Variants in TLE1 observed in about 807,000 individuals in gnomAD.
The protein encoded by TLE1 is transducin-like enhancer protein 1.
Under a neutral mutation model 89.8 loss-of-function variants are expected in TLE1, and 21 were observed. That is an observed-to-expected ratio of 0.23 (90% confidence interval 0.17 to 0.34). The LOEUF (loss-of-function observed/expected upper bound fraction) is 0.34, where lower values mean the gene tolerates loss of function less well. Ranked by LOEUF, TLE1 falls within the 10% of genes least tolerant of loss-of-function variation. The pLI, the probability that TLE1 is intolerant of heterozygous loss-of-function variation, is 1.00. For synonymous variants in TLE1, 447 were observed against 407.6 expected (o/e 1.10, Z -1.16); for missense variants, 795 against 1,031.2 (o/e 0.77, Z 3.14).
chr9:81,669,058 C>T (rs891096216), intron 4 of TLE1, among the ~76,000 whole-genome samples: 1 of 152,222 alleles, frequency 6.6e-6, no homozygotes, highest in Non-Finnish European at 1.5e-5. Context: ...CACTGGTCTG[C>T]ATTTGTGTGG....
chr9:81,595,590 G>C (rs150980614), intron 14 of TLE1, among the ~76,000 whole-genome samples: 10,424 of 152,144 alleles, frequency 0.069, 419 homozygotes, highest in Middle Eastern at 0.18. Context: ...AGGCCAAGGC[G>C]GGCGGATCAC....
chr9:81,644,382 C>T (rs1205304345), intron 6 of TLE1, among the ~76,000 whole-genome samples: 1 of 151,974 alleles, frequency 6.6e-6, no homozygotes, highest in Admixed American at 6.6e-5. Flanking sequence ...TGTTAATTGT[C>T]AATAAAAAGG....
intron 6 of TLE1, among the ~76,000 whole-genome samples, chr9:81,645,378 A>G (rs944994936): frequency 6.6e-6 from 1 of 151,026 alleles, no homozygotes; most frequent in African/African-American, 2.4e-5. Context: ...AAAAAAAAAA[A>G]ATAATAGTAA....
intron 18 of TLE1, 57 bp downstream of exon 18, chr9:81,585,448 G>T: frequency 3.8e-6 from 6 of 1,575,724 alleles, no homozygotes; most frequent in Non-Finnish European, 5.2e-6. Flanking sequence ...ATTTTTTTAA[G>T]AAGCATTTTC....
chr9:81,669,915 A>C (rs1321732887), intron 4 of TLE1, among the ~76,000 whole-genome samples: 1 of 152,196 alleles, frequency 6.6e-6, no homozygotes, highest in Non-Finnish European at 1.5e-5. Flanking sequence ...CCCCCACAGT[A>C]TATCAATGTC....
intron 16 of TLE1, among the ~76,000 whole-genome samples, chr9:81,589,874 G>A (rs1354797785): frequency 6.6e-6 from 1 of 152,166 alleles, no homozygotes; most frequent in East Asian, 1.9e-4. Flanking sequence ...GAAGAGGAAA[G>A]TAACTGCCGC....
intron 16 of TLE1, among the ~76,000 whole-genome samples, chr9:81,590,570 A>G (rs1045025424): frequency 1.3e-5 from 2 of 152,226 alleles, no homozygotes; most frequent in Non-Finnish European, 2.9e-5. Context: ...ATGTGGGCTG[A>G]AGAATTGGCA....
At chr9:81,589,893 C>T (rs1481392684) in intron 16 of TLE1, among the ~76,000 whole-genome samples, 4 of 152,078 alleles carry the variant, frequency 2.6e-5, no homozygotes, top group African/African-American at 7.2e-5. Flanking sequence ...GCACTGTCAC[C>T]CACACGCAGG....
chr9:81,587,945 T>TGA, intron 16 of TLE1, 117 bp from the exon 17 acceptor site: 3 of 1,192,980 alleles, frequency 2.5e-6, no homozygotes, highest in Admixed American at 2.5e-5. Flanking sequence ...TGTGTGTGTG[T>TGA]GATCCCGCCA....
At chr9:81,601,852 C>T (rs1830966614) in intron 14 of TLE1, among the ~76,000 whole-genome samples, 1 of 152,198 alleles carries the variant, frequency 6.6e-6, no homozygotes, top group African/African-American at 2.4e-5. Context: ...CAGGATCTTA[C>T]ACAATCCTGG....
chr9:81,680,965 T>C (rs547034082), intron 4 of TLE1, among the ~76,000 whole-genome samples: 6 of 151,654 alleles, frequency 4.0e-5, no homozygotes, highest in African/African-American at 9.7e-5. Context: ...AAGGTAAAAT[T>C]TGCAAAAGAG....
intron 17 of TLE1, among the ~76,000 whole-genome samples, chr9:81,585,961 C>T (rs748119844): frequency 3.3e-5 from 5 of 151,096 alleles, no homozygotes; most frequent in Admixed American, 3.3e-4. Flanking sequence ...AACTGAAATA[C>T]GATCATATAT....
chr9:81,610,509 G>A (rs540333541), intron 13 of TLE1, among the ~76,000 whole-genome samples: 8 of 152,290 alleles, frequency 5.3e-5, no homozygotes, highest in South Asian at 2.1e-4. Context: ...GAGGTAGAGA[G>A]GAGATGTGAT....
At position 81,653,251 on chromosome 9, in the gene TLE1, C is replaced by T. The variant is rs186172877; in HGVS notation, c.297+723G>A. Among the ~76,000 whole-genome samples, 3 of 152,274 alleles carry T rather than the reference C, an allele frequency of 2.0e-5. No individual in the cohort carries two copies. The East Asian group carries it at 5.8e-4, about 29-fold the overall frequency. On this transcript the variant is annotated intron_variant, in intron 5 of 19. Transcript: ENST00000376499. Reference sequence around the variant, plus strand: ...AACCAGGATACCCAGTATTCCAACTCCTAGTCCAATAAACTTTCCACCCTG... The same window carrying T: ...AACCAGGATACCCAGTATTCCAACTTCTAGTCCAATAAACTTTCCACCCTG...
chr9:81,633,288 C>CGTGT (rs56327119), intron 8 of TLE1, 60 bp downstream of exon 8: 28,541 of 1,557,428 alleles, frequency 0.018, 51 homozygotes, highest in Non-Finnish European at 0.022. Flanking sequence ...AGAAGGGGAC[C>CGTGT]GTGTGTGTGT....
At position 81,657,959 on chromosome 9, in the gene TLE1, G is replaced by C. The variant is rs188594566; in HGVS notation, c.235-3923C>G. 4.4e-4 allele frequency among the ~76,000 whole-genome samples: 65 copies of C among 146,648 alleles called. 2 individuals are homozygous for C. In the East Asian group the frequency reaches 9.8e-3, roughly 22 times the overall value. ...GAGTCTCGCTCTGTCACCTAGGCTG[G>C]AGTGCAGTGGCACAGTCTTGGCTCA... On this transcript the variant is annotated intron_variant, in intron 4 of 19. Transcript: ENST00000376499.
chr9:81,687,136 G>GGGA (rs1207734628), intron 2 of TLE1, among the ~76,000 whole-genome samples, 198 bp downstream of exon 2: 2 of 152,224 alleles, frequency 1.3e-5, no homozygotes, highest in Admixed American at 6.5e-5. Context: ...GGGAAACAAT[G>GGGA]GGAGGAGGAG....
Position 81,612,248 on chromosome 9 carries a change from C to T in TLE1, c.1064-289G>A, listed in dbSNP as rs139340824. 3.8e-6 allele frequency: 4 copies of T among 1,045,246 alleles called. No individual in the cohort carries two copies. In the East Asian group the frequency reaches 1.3e-4, roughly 34 times the overall value. The allele number at this position is 1,045,246 out of a possible 1,614,324, so 64.7% of individuals were successfully genotyped here. A position where few individuals can be genotyped will look rare whatever the true frequency, so the allele number is the denominator to read the frequency against. On this transcript the variant is annotated intron_variant, in intron 12 of 19. Transcript: ENST00000376499. The stretch of plus-strand genomic sequence containing the variant: ...AGGGGAATTAAGAGTATTCCCTACC[C>T]AATTTACAGAGGGCAAACCAAGGCA...
At chr9:81,653,063 G>A (rs1394682755) in intron 5 of TLE1, among the ~76,000 whole-genome samples, 1 of 152,204 alleles carries the variant, frequency 6.6e-6, no homozygotes, top group Non-Finnish European at 1.5e-5. Flanking sequence ...TGGGAGGCAT[G>A]AGAATGTAAC....
Sources: allele counts gnomAD v4.1 joint callset (sites outside exome capture counted in the v4.1 genomes callset), GRCh38; gene constraint gnomAD v4.1.1; transcripts MANE v1.5; gene names NCBI Gene and HGNC (gene_info 2026-07-23, HGNC 2026-07-21).